The following CTBP1 variants were observed in gnomAD, a reference collection of about 807,000 sequenced individuals.
CTBP1 encodes C-terminal binding protein 1.
In CTBP1, 11 loss-of-function variants were observed where a neutral mutation model predicts 42.1. That is an observed-to-expected ratio of 0.26 (90% confidence interval 0.16 to 0.43). The LOEUF (loss-of-function observed/expected upper bound fraction) is 0.43, where lower values mean the gene tolerates loss of function less well. Among genes scored for constraint, CTBP1 ranks in the 20% least tolerant of loss-of-function variants. The pLI, the probability that CTBP1 is intolerant of heterozygous loss-of-function variation, is 1.00. For missense variants in CTBP1, 399 were observed against 624.3 expected, an observed-to-expected ratio of 0.64 and a Z score of 3.85; for synonymous variants, 324 against 277.1, an observed-to-expected ratio of 1.17 and a Z score of -1.68.
intron 1 of CTBP1, chr4:1,241,780 C>T (rs1038844756): frequency 3.4e-6 from 4 of 1,189,124 alleles, no homozygotes; most frequent in Admixed American, 3.7e-5. Context: ...CTCCTGGGAA[C>T]AGTCCCCCAG....
intron 2 of CTBP1, 131 bp downstream of exon 2, chr4:1,241,194 T>C (rs1732140208): frequency 2.6e-6 from 2 of 760,258 alleles, no homozygotes; most frequent in Admixed American, 1.7e-5. Context: ...GGGGGTCAGG[T>C]GGCAGCAGTC....
intron 3 of CTBP1, chr4:1,232,787 T>C (rs1731094607): frequency 6.6e-6 from 1 of 152,244 alleles, no homozygotes; most frequent in Non-Finnish European, 1.5e-5. Context: ...GCCGCTTCAG[T>C]AGGCAGCGAG....
Position 1,218,815 on chromosome 4 carries a change from C to T in CTBP1, c.515-2610G>A, listed in dbSNP as rs144959618. Among the ~76,000 whole-genome samples, 642 of 152,078 alleles carry T rather than the reference C, an allele frequency of 4.2e-3. 3 individuals carry two copies. Among genetic ancestry groups the T allele is most frequent in the African/African-American group, 0.014 (588 of 41,484 alleles). ...AAGCAGAGTATAGGTTAAAAAGCAA[C>T]AACAGATGCAAGGAATCATTTAACA... On this transcript the variant is annotated intron_variant, in intron 5 of 9. Coordinates refer to ENST00000382952, the MANE Select transcript of CTBP1 (RefSeq NM_001012614.2).
chr4:1,247,771 G>GC (rs1553852062), intron 1 of CTBP1, among the ~76,000 whole-genome samples: 2 of 146,546 alleles, frequency 1.4e-5, no homozygotes, highest in Non-Finnish European at 3.0e-5. Context: ...CCGGGGAGGG[G>GC]GGGGGGGCTC....
At chr4:1,223,730 C>G (rs1730002889) in intron 5 of CTBP1, among the ~76,000 whole-genome samples, 1 of 152,172 alleles carries the variant, frequency 6.6e-6, no homozygotes, top group South Asian at 2.1e-4. Flanking sequence ...CCAGATGCTC[C>G]CCCTCCCTCA....
At chr4:1,229,705 T>A (rs964020199) in intron 3 of CTBP1, among the ~76,000 whole-genome samples, 1 of 152,140 alleles carries the variant, frequency 6.6e-6, no homozygotes, top group African/African-American at 2.4e-5. Context: ...CAGGCATACG[T>A]GGGCAGGGTG....
chr4:1,213,636 C>G, intron 7 of CTBP1, 31 bp from the exon 8 acceptor site: 1 of 1,604,320 alleles, frequency 6.2e-7, no homozygotes, highest in Middle Eastern at 1.7e-4. Flanking sequence ...GTCAGTGCAG[C>G]CTGAGTGCTG....
intron 3 of CTBP1, among the ~76,000 whole-genome samples, chr4:1,232,522 G>C (rs532263666): frequency 7.9e-5 from 12 of 152,194 alleles, no homozygotes; most frequent in African/African-American, 2.9e-4. Flanking sequence ...ATGTTGCCCA[G>C]GCTGGTCTTG....
intron 4 of CTBP1, among the ~76,000 whole-genome samples, chr4:1,226,914 G>A (rs541188855): frequency 1.5e-3 from 230 of 152,090 alleles, no homozygotes; most frequent in African/African-American, 5.2e-3. Context: ...GAACACAGAC[G>A]GTTCCAACTT....
At chr4:1,212,489 C>T (rs1484734572) in intron 9 of CTBP1, 66 bp from the exon 10 acceptor site, 5 of 1,336,996 alleles carry the variant, frequency 3.7e-6, no homozygotes, top group Non-Finnish European at 4.9e-6. Context: ...CACCTGCCCT[C>T]CTAGCATCGG....
chr4:1,224,194 ATG>A (rs1008527104), intron 5 of CTBP1, among the ~76,000 whole-genome samples: 114 of 152,196 alleles, frequency 7.5e-4, no homozygotes, highest in African/African-American at 2.6e-3. Flanking sequence ...ACTGACATCA[ATG>A]TGTGTCCATG....
chr4:1,214,505 C>T, intron 6 of CTBP1, 32 bp from the exon 7 acceptor site: 2 of 1,544,452 alleles, frequency 1.3e-6, no homozygotes, highest in African/African-American at 1.4e-5. Context: ...CAGGCCCAGT[C>T]AGGGATCCGC....
chr4:1,245,070 AG>A, intron 1 of CTBP1: 1 of 983,880 alleles, frequency 1.0e-6, no homozygotes, highest in Non-Finnish European at 1.2e-6. Flanking sequence ...CAGACAGACA[AG>A]GCCCGTCACC....
chr4:1,236,431 G>C (rs1731501338), intron 3 of CTBP1: 4 of 567,160 alleles, frequency 7.1e-6, no homozygotes, highest in Admixed American at 3.0e-5. Flanking sequence ...ACTGGGGCCG[G>C]GGGAAGCACC....
chr4:1,229,586 G>A (rs927593086), intron 3 of CTBP1, among the ~76,000 whole-genome samples: 4 of 152,312 alleles, frequency 2.6e-5, no homozygotes, highest in Non-Finnish European at 4.4e-5. Context: ...CCTTCCTGCC[G>A]AGCATGGAGC....
At chr4:1,223,714 C>A (rs2108743508) in intron 5 of CTBP1, among the ~76,000 whole-genome samples, 1 of 151,792 alleles carries the variant, frequency 6.6e-6, no homozygotes, top group South Asian at 2.1e-4. Context: ...CACACCTGGG[C>A]CCCGCCCAGA....
intron 9 of CTBP1, 38 bp from the exon 10 acceptor site, chr4:1,212,461 G>A: frequency 1.4e-6 from 2 of 1,401,198 alleles, no homozygotes; most frequent in Non-Finnish European, 1.9e-6. Flanking sequence ...CCCACCTGTA[G>A]GCGGCCTGGC....
chr4:1,230,058 T>C (rs1730797472), intron 3 of CTBP1, among the ~76,000 whole-genome samples: 1 of 152,196 alleles, frequency 6.6e-6, no homozygotes, highest in East Asian at 1.9e-4. Context: ...TGGACAGGGC[T>C]GATGGCTGCC....
rs868427253 is a variant in CTBP1 at position 1,237,977 on chromosome 4, C to G, written c.162+206G>C. ...ACCCCGTGTCCACCTCCTGATGGGG[C>G]TCAGGGCAAACCCGATGTCCACCTC... is the stretch of plus-strand genomic sequence containing the variant. On this transcript the variant is annotated intron_variant, in intron 3 of 9. Coordinates refer to ENST00000382952, the MANE Select transcript of CTBP1 (RefSeq NM_001012614.2). 1.8e-5 allele frequency: 13 copies of G among 739,200 alleles called. No individual in the cohort carries two copies. The Middle Eastern group carries it at 2.7e-3, about 154-fold the overall frequency. The allele number at this position is 739,200 out of a possible 1,614,324, so 45.8% of individuals were successfully genotyped here.
Sources: allele counts gnomAD v4.1 joint callset (sites outside exome capture counted in the v4.1 genomes callset), GRCh38; gene constraint gnomAD v4.1.1; transcripts MANE v1.5; gene names NCBI Gene and HGNC (gene_info 2026-07-23, HGNC 2026-07-21).